The following ANGPTL3 variants were observed in gnomAD, a reference collection of about 807,000 sequenced individuals.
ANGPTL3 encodes the protein angiopoietin-related protein 3.
ANGPTL3 carries 51 observed loss-of-function variants against 52.7 expected under a neutral mutation model. That is an observed-to-expected ratio of 0.97 (90% CI 0.77 to 1.22). ANGPTL3 has a LOEUF of 1.22. Ranked by LOEUF, ANGPTL3 falls within the 50% of genes most tolerant of loss-of-function variation. The pLI is 0.00. For synonymous variants in ANGPTL3, 185 were observed against 179.8 expected (o/e 1.03, Z -0.23); for missense variants, 506 against 520.7 (o/e 0.97, Z 0.27).
chr1:62,598,564 G>A, intron 1 of ANGPTL3, 132 bp from the exon 2 acceptor site: 1 of 658,492 alleles, frequency 1.5e-6, no homozygotes. Context: ...AGCATACAAG[G>A]GGAAGGAATT....
rs768802285 is a variant in ANGPTL3, at chr1:62,604,160, G to A, written c.1123G>A (p.Glu375Lys). Reference protein sequence around the residue: ...ITGNVPNAIPENKDLVFSTWD... With the variant: ...ITGNVPNAIPKNKDLVFSTWD... ...TGGCAATGTCCCCAATGCAATCCCG[G>A]AAAACAAAGATTTGGTGTTTTCTAC... The change falls in exon 6 of 7, where the codon GAA becomes AAA. Residue 375 changes from glutamate to lysine, a missense_variant. Physicochemically the swap from Glu to Lys is moderately conservative, Grantham distance 56. Transcript: ENST00000371129. The A allele has an allele frequency of 9.9e-6, 16 of 1,613,188 alleles. No homozygotes were observed. The South Asian group carries it at 1.4e-4, about 14-fold the overall frequency.
intron 2 of ANGPTL3, among the ~76,000 whole-genome samples, 193 bp downstream of exon 2, chr1:62,598,999 T>G (rs1649712424): frequency 6.6e-6 from 1 of 152,114 alleles, no homozygotes; most frequent in Non-Finnish European, 1.5e-5. Flanking sequence ...TGTGTGACCT[T>G]GAATAAATTA....
At chr1:62,604,436 T>C (rs1650641993) in intron 6 of ANGPTL3, 197 bp from the exon 7 acceptor site, 1 of 894,376 alleles carries the variant, frequency 1.1e-6, no homozygotes, top group Non-Finnish European at 1.7e-6. Context: ...CCTCAGATTT[T>C]CTATTTTTTG....
rs749549638 is a variant in ANGPTL3, at chr1:62,601,072, C to T, written c.607-10C>T. On this transcript the variant is annotated splice_polypyrimidine_tract_variant and intron_variant, in intron 2 of 6. Coordinates refer to ENST00000371129, the MANE Select transcript of ANGPTL3 (RefSeq NM_014495.4). ...TCATTTTAAAAAACAGATTTATATT[C>T]TTTTATCAGCTCAGAAGGACTAGTA... is the stretch of plus-strand genomic sequence containing the variant. 6.7e-7 allele frequency: 1 copy of T among 1,484,480 alleles called. No homozygotes were observed. Among genetic ancestry groups the T allele is most frequent in the Non-Finnish European group, 9.4e-7 (1 of 1,063,070 alleles). 92.0% of individuals were successfully genotyped at this position (1,484,480 alleles called of 1,614,324 possible). A position where few individuals can be genotyped will look rare whatever the true frequency, so the allele number is the denominator to read the frequency against.
At chr1:62,598,570 G>C in intron 1 of ANGPTL3, 126 bp from the exon 2 acceptor site, 1 of 667,242 alleles carries the variant, frequency 1.5e-6, no homozygotes, top group South Asian at 1.7e-5. Flanking sequence ...CAAGGGGAAG[G>C]AATTGCCAAT....
At chr1:62,601,695 C>A in intron 3 of ANGPTL3, 74 bp from the exon 4 acceptor site, 1 of 1,064,438 alleles carries the variant, frequency 9.4e-7, no homozygotes, top group Admixed American at 1.8e-5. Context: ...CATAAAATGT[C>A]AAGTGAAATC....
chr1:62,605,291 T>C lies in ANGPTL3; in HGVS notation c.*474T>C, dbSNP rs1473018751. ...GTATTAATTTCAAAACTAAAAATCG[T>C]CAGCACAGAGTATGTGTAAAAATCT... On this transcript the variant is annotated 3_prime_UTR_variant, in exon 7 of 7. Coordinates refer to ENST00000371129, the MANE Select transcript of ANGPTL3 (RefSeq NM_014495.4). 1 of 155,284 alleles carries C rather than the reference T, an allele frequency of 6.4e-6. No homozygotes were observed. Among genetic ancestry groups the C allele is most frequent in the East Asian group, 1.9e-4 (1 of 5,286 alleles). The allele number at this position is 155,284 out of a possible 1,614,324, so 9.6% of individuals were successfully genotyped here.
intron 4 of ANGPTL3, 36 bp downstream of exon 4, chr1:62,601,918 T>C: frequency 7.6e-7 from 1 of 1,314,826 alleles, no homozygotes; most frequent in South Asian, 1.2e-5. Context: ...CAGTAGTTAG[T>C]TCAACTTACT....
chr1:62,604,187 T>C lies in ANGPTL3; in HGVS notation c.1150T>C (p.Trp384Arg), dbSNP rs759149679. 2.7e-5 allele frequency: 44 copies of C among 1,613,274 alleles called. No homozygotes were observed. Among genetic ancestry groups the C allele is most frequent in the Non-Finnish European group, 3.6e-5 (43 of 1,179,462 alleles). The change falls in exon 6 of 7, where the codon TGG becomes CGG. Residue 384 changes from tryptophan to arginine, a missense_variant. Trp to Arg is a moderately radical substitution (Grantham distance 101). Transcript: ENST00000371129. ...PENKDLVFST[W>R]DHKAKGHFNC... ...AAACAAAGATTTGGTGTTTTCTACT[T>C]GGGATCACAAAGCAAAAGGACACTT...
rs149086653 is a variant in ANGPTL3 at position 62,597,794 on chromosome 1, C to G, written c.228C>G (p.Asn76Lys). ...GQINDIFQKL[N>K]IFDQSFYDLS... is the part of the protein sequence containing the mutation. ...TTAATGACATATTTCAAAAACTCAA[C>G]ATATTTGATCAGTCTTTTTATGATC... is the stretch of plus-strand genomic sequence containing the variant. Residue 76 changes from asparagine to lysine, a missense_variant, in exon 1 of 7, where the codon AAC becomes AAG. By Grantham distance (94) the Asn-to-Lys change is moderately conservative. Transcript: ENST00000371129. The G allele has an allele frequency of 2.0e-3, 3,173 of 1,613,460 alleles. 8 individuals are homozygous for G. The highest frequency in any genetic ancestry group is 2.0e-3 in the Non-Finnish European group (2,363 of 1,179,644).
chr1:62,603,864 G>C lies in ANGPTL3; in HGVS notation c.932-105G>C, dbSNP rs917126065. 6 of 1,090,340 alleles carry C rather than the reference G, an allele frequency of 5.5e-6. No homozygotes were observed. In the South Asian group the frequency reaches 8.1e-5, roughly 15 times the overall value. 67.5% of individuals were successfully genotyped at this position (1,090,340 alleles called of 1,614,324 possible). ...ACACTAAAATGATCAAGGGATTCAA[G>C]ACTAAACAACTCAATTAGTTGCACC... On this transcript the variant is annotated intron_variant, in intron 5 of 6. Coordinates refer to ENST00000371129, the MANE Select transcript of ANGPTL3 (RefSeq NM_014495.4).
Position 62,604,923 on chromosome 1 carries a change from A to AT in ANGPTL3, c.*114dup, listed in dbSNP as rs565270071. ...CCTTAAGAGAAAGCTTGAGAAATAGATTTTTTTTATCTTAAAGTCACTGTC... is the reference window on the plus strand; with the variant it reads ...CCTTAAGAGAAAGCTTGAGAAATAGATTTTTTTTTATCTTAAAGTCACTGTC... On this transcript the variant is annotated 3_prime_UTR_variant, in exon 7 of 7. Coordinates refer to ENST00000371129, the MANE Select transcript of ANGPTL3 (RefSeq NM_014495.4). 1.5e-4 allele frequency: 178 copies of AT among 1,180,172 alleles called. No homozygotes were observed. The East Asian group carries it at 2.9e-3, about 19-fold the overall frequency. The allele number at this position is 1,180,172 out of a possible 1,614,324, so 73.1% of individuals were successfully genotyped here.
chr1:62,602,407 T>A (rs773666875), intron 5 of ANGPTL3, 27 bp downstream of exon 5: 2 of 1,583,050 alleles, frequency 1.3e-6, no homozygotes, highest in South Asian at 2.2e-5. Context: ...CAATCATTCA[T>A]TCACTTGCTA....
chr1:62,598,149 C>T (rs1649565532), intron 1 of ANGPTL3, 88 bp downstream of exon 1: 10 of 1,219,142 alleles, frequency 8.2e-6, no homozygotes, highest in Non-Finnish European at 1.1e-5. Context: ...ATTTGAAATA[C>T]TTTGTTGCAT....
In ANGPTL3 at chr1:62,603,957, T is replaced by C; in HGVS notation, c.932-12T>C. On this transcript the variant is annotated splice_polypyrimidine_tract_variant and intron_variant, in intron 5 of 6. Transcript: ENST00000371129. ...TTAATAACTCACAGATTTTTAAAAC[T>C]TTTCTTTTCAGGAGAATTTTGGTTG... 1.9e-6 allele frequency: 3 copies of C among 1,612,034 alleles called. No homozygotes were observed. In the South Asian group the frequency reaches 3.3e-5, roughly 18 times the overall value.
intron 2 of ANGPTL3, among the ~76,000 whole-genome samples, chr1:62,600,693 G>C (rs1483961332): frequency 1.3e-5 from 2 of 151,532 alleles, no homozygotes; most frequent in Non-Finnish European, 3.0e-5. Flanking sequence ...CTTTATCACA[G>C]GTCTGAAGAT....
intron 2 of ANGPTL3, 148 bp downstream of exon 2, chr1:62,598,954 A>C (rs924776529): frequency 1.6e-5 from 10 of 627,306 alleles, no homozygotes; most frequent in Non-Finnish European, 2.9e-5. Flanking sequence ...TGAAGCTAAT[A>C]AACTACCTGC....
Position 62,605,468 on chromosome 1 carries a change from A to G in ANGPTL3, c.*651A>G, listed in dbSNP as rs1650850587. The G allele has an allele frequency of 6.5e-6, 1 of 152,820 alleles. No individual in the cohort carries two copies. The highest frequency in any genetic ancestry group is 2.4e-5 in the African/African-American group (1 of 41,438). The allele number at this position is 152,820 out of a possible 1,614,324, so 9.5% of individuals were successfully genotyped here. A position where few individuals can be genotyped will look rare whatever the true frequency, so the allele number is the denominator to read the frequency against. On this transcript the variant is annotated 3_prime_UTR_variant, in exon 7 of 7. Transcript: ENST00000371129. ...CTTTAAACAAATGGAGATGACTACT[A>G]AGTCACATTGACTTTAACATGAGGT...
chr1:62,603,903 T>A, intron 5 of ANGPTL3, 66 bp from the exon 6 acceptor site: 2 of 1,514,474 alleles, frequency 1.3e-6, no homozygotes, highest in Non-Finnish European at 1.8e-6. Context: ...AAAAAACACT[T>A]AAAAAAACTG....
Sources: allele counts gnomAD v4.1 joint callset (sites outside exome capture counted in the v4.1 genomes callset), GRCh38; gene constraint gnomAD v4.1.1; transcripts MANE v1.5; gene names NCBI Gene and HGNC (gene_info 2026-07-23, HGNC 2026-07-21).